The following BLTP1 variants were observed in gnomAD, a reference collection of about 807,000 sequenced individuals.
BLTP1 encodes bridge-like lipid transfer protein family member 1.
At chr4:122,348,763 ACTTTT>A in the BLTP1 span, 3 of 1,341,508 alleles carry the variant, frequency 2.2e-6, no homozygotes, top group Non-Finnish European at 2.1e-6. Flanking sequence ...CATTTTTGTA[ACTTTT>A]CTTCTACTGT....
At chr4:122,232,735 A>C in the BLTP1 span, among the ~76,000 whole-genome samples, 8 of 152,032 alleles carry the variant, frequency 5.3e-5, no homozygotes, top group African/African-American at 1.9e-4. Context: ...AAGCAAGCCT[A>C]CTCTTTTCCA....
the BLTP1 span, among the ~76,000 whole-genome samples, chr4:122,358,993 C>G: frequency 1.3e-5 from 2 of 151,524 alleles, no homozygotes. Flanking sequence ...ATATATACAA[C>G]TAGCCATTAG....
chr4:122,331,043 A>G, the BLTP1 span: 2 of 965,614 alleles, frequency 2.1e-6, no homozygotes, highest in Middle Eastern at 5.3e-4. Flanking sequence ...AGAAAATGAA[A>G]TATTTTCCAA....
chr4:122,235,351 G>T, the BLTP1 span: 1 of 984,328 alleles, frequency 1.0e-6, no homozygotes, highest in South Asian at 4.7e-5. Flanking sequence ...GAATAGCTGT[G>T]CTTCAAGGTA....
the BLTP1 span, chr4:122,208,640 T>C: frequency 4.1e-6 from 4 of 984,620 alleles, no homozygotes; most frequent in Non-Finnish European, 4.8e-6. Flanking sequence ...CTTTTCACTG[T>C]TTGGAAACTA....
chr4:122,222,527 G>A, the BLTP1 span, among the ~76,000 whole-genome samples: 3 of 152,126 alleles, frequency 2.0e-5, no homozygotes, highest in South Asian at 6.2e-4. Flanking sequence ...CAGTTCTGGA[G>A]GTTCAAAGTC....
At chr4:122,333,914 G>C in the BLTP1 span, 3 of 1,393,918 alleles carry the variant, frequency 2.2e-6, no homozygotes, top group East Asian at 2.6e-5. Context: ...ATGAGACTTA[G>C]TGACTTCTTT....
the BLTP1 span, among the ~76,000 whole-genome samples, chr4:122,193,948 C>T: frequency 5.0e-4 from 76 of 151,782 alleles, no homozygotes; most frequent in African/African-American, 1.8e-3. Flanking sequence ...CTGCAAGCTC[C>T]GCCTCCCGGG....
chr4:122,351,898 A>G, the BLTP1 span, among the ~76,000 whole-genome samples: 1 of 152,190 alleles, frequency 6.6e-6, no homozygotes, highest in African/African-American at 2.4e-5. Context: ...ATTATGGGTG[A>G]GAGGTATGGA....
the BLTP1 span, chr4:122,173,049 C>CTG: frequency 6.2e-7 from 1 of 1,613,050 alleles, no homozygotes; most frequent in East Asian, 2.2e-5. Flanking sequence ...CCATTTTGTC[C>CTG]TGTGGATGGA....
chr4:122,267,581 C>T, the BLTP1 span: 3 of 939,890 alleles, frequency 3.2e-6, no homozygotes, highest in East Asian at 3.5e-4. Context: ...TTTTTATGAT[C>T]TTAAGGGTTC....
chr4:122,345,042 A>G, the BLTP1 span: 2 of 983,996 alleles, frequency 2.0e-6, no homozygotes, highest in Non-Finnish European at 2.4e-6. Context: ...GTAAATGCAA[A>G]TAGACATTCT....
chr4:122,262,859 C>T, the BLTP1 span: 1 of 1,614,026 alleles, frequency 6.2e-7, no homozygotes, highest in Non-Finnish European at 8.5e-7. Flanking sequence ...CAGTAAAGGA[C>T]AGTCCAAGGA....
chr4:122,276,141 A>G, the BLTP1 span: 1 of 847,006 alleles, frequency 1.2e-6, no homozygotes, highest in East Asian at 3.2e-5. Context: ...TAGCTGTAAT[A>G]TAGGCCCTTT....
the BLTP1 span, chr4:122,238,222 G>C: frequency 6.2e-7 from 1 of 1,614,054 alleles, no homozygotes; most frequent in Non-Finnish European, 8.5e-7. Flanking sequence ...CCTCAGAAGA[G>C]AACAGTAGTT....
At chr4:122,261,837 C>A in the BLTP1 span, 1 of 985,302 alleles carries the variant, frequency 1.0e-6, no homozygotes, top group Non-Finnish European at 1.2e-6. Flanking sequence ...TCTTTTACTT[C>A]CTGTGTCAAC....
the BLTP1 span, among the ~76,000 whole-genome samples, chr4:122,293,567 G>C: frequency 1.9e-4 from 29 of 152,042 alleles, no homozygotes; most frequent in African/African-American, 6.8e-4. Flanking sequence ...CCTTGGGTCC[G>C]AAGCACAGAG....
At chr4:122,304,043 A>C in the BLTP1 span, among the ~76,000 whole-genome samples, 3 of 152,292 alleles carry the variant, frequency 2.0e-5, no homozygotes, top group East Asian at 5.8e-4. Context: ...TCAATCAGTG[A>C]CACAAACCTC....
chr4:122,204,622 G>A, the BLTP1 span: 4 of 970,750 alleles, frequency 4.1e-6, no homozygotes, highest in Non-Finnish European at 4.9e-6. Flanking sequence ...GAGAGGATAT[G>A]AAAGACAGTA....
Sources: gnomAD v4.1 joint callset for allele counts (sites outside exome capture counted in the v4.1 genomes callset) on GRCh38, gnomAD v4.1.1 for gene constraint, MANE v1.5 for transcripts, NCBI Gene and HGNC (gene_info 2026-07-23, HGNC 2026-07-21) for gene names.